The following SLC44A5 variants were observed in gnomAD, a reference collection of about 807,000 sequenced individuals.
SLC44A5 encodes the protein solute carrier family 44 member 5, also known as choline transporter-like protein 5.
Under a neutral mutation model 101.8 loss-of-function variants are expected in SLC44A5, and 57 were observed. The ratio of observed to expected loss-of-function variants is 0.56; its 90% CI spans 0.45 to 0.70. SLC44A5 has a LOEUF of 0.70. Among genes scored for constraint, SLC44A5 ranks in the 30% least tolerant of loss-of-function variants. The pLI, the probability that SLC44A5 is intolerant of heterozygous loss-of-function variation, is 0.00. For synonymous variants in SLC44A5, 281 were observed against 290.9 expected (o/e 0.97, Z 0.35); for missense variants, 737 against 853.1 (o/e 0.86, Z 1.70).
chr1:75,266,318 T>TACACACACACACACAC (rs61250669), intron 6 of SLC44A5, among the ~76,000 whole-genome samples: 229 of 146,934 alleles, frequency 1.6e-3, no homozygotes, highest in African/African-American at 3.9e-3. Context: ...GGCATAGAAA[T>TACACACACACACACAC]ACACACACAC....
intron 6 of SLC44A5, among the ~76,000 whole-genome samples, chr1:75,272,651 T>C (rs909435601): frequency 6.6e-6 from 1 of 152,164 alleles, no homozygotes; most frequent in Non-Finnish European, 1.5e-5. Flanking sequence ...AGGATGTCCT[T>C]TCCCCAATTT....
In SLC44A5 at chr1:75,333,490, G is replaced by A. The variant is rs112114109; in HGVS notation, c.101+6092C>T. Among the ~76,000 whole-genome samples, 399 of 143,316 alleles carry A rather than the reference G, an allele frequency of 2.8e-3. 1 individual carries two copies. The highest frequency in any genetic ancestry group is 5.2e-3 in the Admixed American group (73 of 14,018). 94.0% of individuals were successfully genotyped at this position (143,316 alleles called of 152,430 possible). On this transcript the variant is annotated intron_variant, in intron 4 of 23. Coordinates refer to ENST00000370859, the MANE Select transcript of SLC44A5 (RefSeq NM_001130058.2). ...TTTTTTTGCACTTTAAAATGTCACC[G>A]TCTACAAGTTATTCCTGATAATTAC...
chr1:75,242,863 G>T, intron 8 of SLC44A5, 23 bp downstream of exon 8: 2 of 1,549,476 alleles, frequency 1.3e-6, no homozygotes, highest in East Asian at 2.3e-5. Flanking sequence ...TTGTTCTCTT[G>T]CTTTAAGCTT....
rs1224409264 is a variant in SLC44A5, at chr1:75,443,496, G to A, written c.14-46875C>T. Reference sequence around the variant, plus strand: ...CCAATATTTATAAACTTATAAAAATGTATAAATTCATAGAAAAATATAACT... The same window carrying A: ...CCAATATTTATAAACTTATAAAAATATATAAATTCATAGAAAAATATAACT... On this transcript the variant is annotated intron_variant, in intron 2 of 23. Coordinates refer to ENST00000370859, the MANE Select transcript of SLC44A5 (RefSeq NM_001130058.2). Among the ~76,000 whole-genome samples, 3 of 151,856 alleles carry A rather than the reference G, an allele frequency of 2.0e-5. No homozygotes were observed. The East Asian group carries it at 5.8e-4, about 29-fold the overall frequency.
At chr1:75,438,424 T>G (rs1017320971) in intron 2 of SLC44A5, among the ~76,000 whole-genome samples, 1 of 152,054 alleles carries the variant, frequency 6.6e-6, no homozygotes, top group Non-Finnish European at 1.5e-5. Context: ...TTGCAGAAAC[T>G]AAGAACAATA....
the SLC44A5 span, among the ~76,000 whole-genome samples, chr1:75,701,015 A>G: frequency 7.2e-5 from 11 of 152,320 alleles, no homozygotes; most frequent in South Asian, 1.7e-3. Flanking sequence ...GCAATAATTA[A>G]TAGCTTACCA....
At chr1:75,720,533 A>T in the SLC44A5 span, 1 of 152,232 alleles carries the variant, frequency 6.6e-6, no homozygotes, top group Non-Finnish European at 1.5e-5. Context: ...GCCAAATATT[A>T]CCCTATAAAT....
chr1:75,568,760 CAAG>C (rs948706559), intron 1 of SLC44A5, among the ~76,000 whole-genome samples: 20 of 152,278 alleles, frequency 1.3e-4, no homozygotes, highest in African/African-American at 4.8e-4. Context: ...CTATTCCTCA[CAAG>C]AATAGAACAT....
the SLC44A5 span, among the ~76,000 whole-genome samples, chr1:75,688,830 T>C: frequency 1.3e-5 from 2 of 152,200 alleles, no homozygotes; most frequent in Admixed American, 6.5e-5. Context: ...CATGGTTCCA[T>C]GTCAGTCTCC....
chr1:75,665,913 A>G, the SLC44A5 span, among the ~76,000 whole-genome samples: 2 of 152,156 alleles, frequency 1.3e-5, no homozygotes, highest in East Asian at 1.9e-4. Flanking sequence ...CAAAACCACA[A>G]TGAGATACCA....
At chr1:75,708,300 G>C in the SLC44A5 span, among the ~76,000 whole-genome samples, 2 of 147,222 alleles carry the variant, frequency 1.4e-5, no homozygotes, top group Admixed American at 7.1e-5. Context: ...TGTTATCCCA[G>C]CTAATCAGGA....
At chr1:75,209,824 G>A (rs1646818324) in intron 23 of SLC44A5, among the ~76,000 whole-genome samples, 1 of 152,148 alleles carries the variant, frequency 6.6e-6, no homozygotes, top group Non-Finnish European at 1.5e-5. Flanking sequence ...GTAATGGCCT[G>A]TCAGAGAGTA....
intron 2 of SLC44A5, among the ~76,000 whole-genome samples, chr1:75,494,157 T>G (rs1668556281): frequency 6.6e-6 from 1 of 152,208 alleles, no homozygotes; most frequent in Admixed American, 6.6e-5. Context: ...CTTTCTGTTT[T>G]CTGCCATGTG....
chr1:75,524,988 G>A (rs1027064343), intron 2 of SLC44A5, among the ~76,000 whole-genome samples: 2 of 152,042 alleles, frequency 1.3e-5, no homozygotes, highest in Non-Finnish European at 2.9e-5. Flanking sequence ...AAGAAGAAAT[G>A]TAATTCAGTC....
At chr1:75,463,403 GA>G (rs1487039743) in intron 2 of SLC44A5, among the ~76,000 whole-genome samples, 2 of 117,478 alleles carry the variant, frequency 1.7e-5, no homozygotes, top group East Asian at 5.6e-4. Context: ...CTGGGCTAAA[GA>G]GCGGGACTCT....
At chr1:75,550,139 G>A (rs1156574935) in intron 1 of SLC44A5, among the ~76,000 whole-genome samples, 3 of 151,934 alleles carry the variant, frequency 2.0e-5, no homozygotes, top group African/African-American at 7.2e-5. Context: ...TTTTTCATAA[G>A]AACCAAAAAG....
intron 10 of SLC44A5, 83 bp downstream of exon 10, chr1:75,238,430 A>C: frequency 2.7e-6 from 2 of 728,902 alleles, no homozygotes; most frequent in Non-Finnish European, 4.0e-6. Context: ...ATTTTCCTAT[A>C]ACCCTTAACC....
Position 75,417,435 on chromosome 1 carries a change from A to T in SLC44A5, c.14-20814T>A, listed in dbSNP as rs1268565437. 6.6e-5 allele frequency among the ~76,000 whole-genome samples: 10 copies of T among 152,360 alleles called. No individual in the cohort carries two copies. In the East Asian group the frequency reaches 1.3e-3, roughly 21 times the overall value. ...CAGATATGTCTTTATCAGCAGTGTG[A>T]AAACAGACTAATACAGAATTTAACC... On this transcript the variant is annotated intron_variant, in intron 2 of 23. Coordinates refer to ENST00000370859, the MANE Select transcript of SLC44A5 (RefSeq NM_001130058.2).
At chr1:75,677,366 C>T in the SLC44A5 span, among the ~76,000 whole-genome samples, 1 of 152,068 alleles carries the variant, frequency 6.6e-6, no homozygotes, top group Non-Finnish European at 1.5e-5. Flanking sequence ...TTTCTCTTTG[C>T]TTGTTTATTA....
Sources: gnomAD v4.1 joint callset for allele counts (sites outside exome capture counted in the v4.1 genomes callset) on GRCh38, gnomAD v4.1.1 for gene constraint, MANE v1.5 for transcripts, NCBI Gene and HGNC (gene_info 2026-07-23, HGNC 2026-07-21) for gene names.